Variants in CRACD observed in about 807,000 individuals in gnomAD.
The protein encoded by CRACD is capping protein-inhibiting regulator of actin dynamics.
Under a neutral mutation model 106.8 loss-of-function variants are expected in CRACD, and 56 were observed. That is an observed-to-expected ratio of 0.52 (90% CI 0.42 to 0.66). The LOEUF (loss-of-function observed/expected upper bound fraction) is 0.66, where lower values mean the gene tolerates loss of function less well. Among genes scored for constraint, CRACD ranks in the 30% least tolerant of loss-of-function variants. CRACD has a pLI of 0.00. For missense variants in CRACD, 1,730 were observed against 1,623.2 expected (o/e 1.07, Z -1.13); for synonymous variants, 754 against 670.8 (o/e 1.12, Z -1.92).
intron 1 of CRACD, among the ~76,000 whole-genome samples, chr4:56,126,085 C>A (rs563988396): frequency 6.6e-6 from 1 of 152,160 alleles, no homozygotes; most frequent in East Asian, 1.9e-4. Context: ...CTTTTTGATG[C>A]TTGTATTGTC....
chr4:56,122,372 A>AG (rs1734518406), intron 1 of CRACD, among the ~76,000 whole-genome samples: 1 of 152,050 alleles, frequency 6.6e-6, no homozygotes, highest in Non-Finnish European at 1.5e-5. Flanking sequence ...AAAGCAGGGA[A>AG]GGGGAAAAAG....
chr4:56,286,147 C>G (rs892998988), intron 3 of CRACD, among the ~76,000 whole-genome samples: 8 of 152,092 alleles, frequency 5.3e-5, no homozygotes, highest in African/African-American at 1.4e-4. Context: ...AATCCCAGCA[C>G]TTTGGGAGGC....
In CRACD at chr4:56,316,303, C is replaced by T. The variant is rs35696146; in HGVS notation, c.2801C>T (p.Pro934Leu). ...SSSRSVPVAH[P>L]GPPPASSQTP... Reference sequence around the variant, plus strand: ...AGCCGCTCTGTTCCTGTGGCCCACCCTGGGCCTCCACCGGCCAGCAGCCAG... The same window carrying T: ...AGCCGCTCTGTTCCTGTGGCCCACCTTGGGCCTCCACCGGCCAGCAGCCAG... The change falls in exon 8 of 11, where the codon CCT (proline) becomes CTT (leucine). Residue 934 changes from proline to leucine, a missense_variant. Pro to Leu is a moderately conservative substitution (Grantham distance 98, BLOSUM62 -3). This residue lies in a region of CRACD where 1,620 missense variants were observed against 1,481.6 expected (regional missense o/e 1.09). Transcript: ENST00000682029. The T allele has an allele frequency of 9.9e-6, 16 of 1,613,902 alleles. No homozygotes were observed. The highest frequency in any genetic ancestry group is 2.2e-5 in the East Asian group (1 of 44,888).
chr4:56,309,651 C>T (rs913958408), intron 5 of CRACD, among the ~76,000 whole-genome samples: 3 of 151,994 alleles, frequency 2.0e-5, no homozygotes, highest in Non-Finnish European at 4.4e-5. Flanking sequence ...CTCAGGAGTT[C>T]GAGATCAGCC....
chr4:56,122,974 T>C (rs1254185408), intron 1 of CRACD, among the ~76,000 whole-genome samples: 1 of 152,252 alleles, frequency 6.6e-6, no homozygotes, highest in Non-Finnish European at 1.5e-5. Flanking sequence ...CAAACTGTTA[T>C]GAGCATAGAT....
chr4:56,290,149 A>G (rs990647163), intron 3 of CRACD, among the ~76,000 whole-genome samples: 2 of 152,246 alleles, frequency 1.3e-5, no homozygotes, highest in African/African-American at 4.8e-5. Flanking sequence ...AAATATTGGC[A>G]GGCAGAGTGG....
chr4:56,125,266 G>A (rs992775118), intron 1 of CRACD, among the ~76,000 whole-genome samples: 3 of 151,900 alleles, frequency 2.0e-5, no homozygotes, highest in Non-Finnish European at 4.4e-5. Flanking sequence ...AAATTGTATT[G>A]TTTCTTCTAC....
In CRACD at chr4:56,327,671, C is replaced by T. The variant is rs763475846; in HGVS notation, c.3569C>T (p.Ala1190Val). 26 of 1,610,280 alleles carry T rather than the reference C, an allele frequency of 1.6e-5. No homozygotes were observed. The East Asian group carries it at 2.5e-4, about 15-fold the overall frequency. Residue 1190 changes from alanine to valine, a missense_variant, in exon 11 of 11, where the codon GCG becomes GTG. Transcript: ENST00000682029. ...GAGATCTCCGACTCGGCTCCCCCAG[C>T]GCCGCTGGTAAAAGAAGTCACCAAG... The part of the protein sequence containing the change: ...TVEISDSAPP[A>V]PLVKEVTKRF...
chr4:56,154,310 A>G (rs7678859), intron 1 of CRACD, among the ~76,000 whole-genome samples: 62,000 of 151,870 alleles, frequency 0.41, 13,188 homozygotes, highest in African/African-American at 0.52. Flanking sequence ...TACCAAAAAT[A>G]CAAAAATTAG....
chr4:56,057,929 C>T (rs1182477922), intron 1 of CRACD, among the ~76,000 whole-genome samples: 1 of 115,516 alleles, frequency 8.7e-6, no homozygotes, highest in Non-Finnish European at 1.7e-5. Flanking sequence ...CGCCATTCCC[C>T]TGCCTCAGCC....
rs1435945133 is a variant in CRACD at position 56,316,559 on chromosome 4, A to C, written c.3057A>C (p.Pro1019=). 1 of 1,613,222 alleles carries C rather than the reference A, an allele frequency of 6.2e-7. No homozygotes were observed. Among genetic ancestry groups the C allele is most frequent in the Non-Finnish European group, 8.5e-7 (1 of 1,179,618 alleles). ...GTGACCGCCGGCCACCCTCGCCCCC[A>C]GGCCCCGAGGAAAGGAAGGGACAGA... The part of the protein sequence containing the change: ...ESSDRRPPSP[P]GPEERKGQKR... Residue 1019 remains proline, a synonymous_variant, in exon 8 of 11, where the codon CCA becomes CCC. Transcript: ENST00000682029.
intron 1 of CRACD, among the ~76,000 whole-genome samples, chr4:56,153,977 C>T (rs7654277): frequency 0.42 from 64,320 of 152,084 alleles, 14,068 homozygotes; most frequent in African/African-American, 0.52. Context: ...TAGTACTTAA[C>T]TAGGCACTTG....
In CRACD at chr4:56,298,239, C is replaced by G. The variant is rs141400149; in HGVS notation, c.10C>G (p.Arg4Gly). 1.2e-6 allele frequency: 2 copies of G among 1,613,976 alleles called. No individual in the cohort carries two copies. Among genetic ancestry groups the G allele is most frequent in the Non-Finnish European group, 1.7e-6 (2 of 1,179,904 alleles). MGT[R>G]AFSHDSIFIP... ...GTCCTTCAACTATTCTATGGGAACC[C>G]GGGCATTTTCCCATGACAGTATTTT... Residue 4 changes from arginine (R) to glycine (G), a missense_variant, in exon 4 of 11, where the codon CGG becomes GGG. This residue lies in a region of CRACD where 1,620 missense variants were observed against 1,481.6 expected (regional missense o/e 1.09). Transcript: ENST00000682029.
chr4:56,061,147 C>A (rs1732255331), intron 1 of CRACD, among the ~76,000 whole-genome samples: 1 of 152,138 alleles, frequency 6.6e-6, no homozygotes, highest in South Asian at 2.1e-4. Flanking sequence ...TTTCTCACTC[C>A]ACTTTTCTGA....
chr4:56,195,505 G>A (rs1737565959), intron 2 of CRACD, among the ~76,000 whole-genome samples: 1 of 152,084 alleles, frequency 6.6e-6, no homozygotes, highest in Non-Finnish European at 1.5e-5. Context: ...GTAGGAAGGT[G>A]GGTCTCAGAG....
chr4:56,154,224 C>T (rs953279126), intron 1 of CRACD, among the ~76,000 whole-genome samples: 9 of 152,020 alleles, frequency 5.9e-5, no homozygotes, highest in Non-Finnish European at 4.4e-5. Flanking sequence ...TCAGCACTTT[C>T]GGAGGCTGAG....
chr4:56,157,116 A>G (rs1735787893), intron 1 of CRACD, among the ~76,000 whole-genome samples: 1 of 152,242 alleles, frequency 6.6e-6, no homozygotes, highest in African/African-American at 2.4e-5. Context: ...TAAATATTGT[A>G]TCATCCTTTT....
intron 3 of CRACD, among the ~76,000 whole-genome samples, chr4:56,290,567 G>A (rs1743646692): frequency 1.3e-5 from 2 of 152,174 alleles, no homozygotes; most frequent in South Asian, 4.1e-4. Flanking sequence ...AACTGCAGGA[G>A]GCAGTGAAAA....
intron 1 of CRACD, among the ~76,000 whole-genome samples, chr4:56,090,478 G>A (rs1194316471): frequency 6.6e-6 from 1 of 152,060 alleles, no homozygotes; most frequent in Non-Finnish European, 1.5e-5. Flanking sequence ...GCTCTCTGCA[G>A]CCTTGACCTC....
Sources: gnomAD v4.1 joint callset for allele counts (sites outside exome capture counted in the v4.1 genomes callset) on GRCh38, gnomAD v4.1.1 for gene constraint, gnomAD v4.1.1 regional missense constraint, MANE v1.5 for transcripts, NCBI Gene and HGNC (gene_info 2026-07-23, HGNC 2026-07-21) for gene names.